Variants in LRP2 observed in about 807,000 individuals in gnomAD.
LRP2 encodes low-density lipoprotein receptor-related protein 2.
In LRP2, 172 loss-of-function variants were observed where a neutral mutation model predicts 531.0. That is an observed-to-expected ratio of 0.32 (90% CI 0.29 to 0.37). LRP2 has a LOEUF of 0.37. Among genes scored for constraint, LRP2 ranks in the 10% least tolerant of loss-of-function variants. The pLI is 1.00. For missense variants in LRP2, 5,167 were observed against 5,868.3 expected (o/e 0.88, Z 3.90); for synonymous variants, 1,992 against 2,027.6 (o/e 0.98, Z 0.47).
At chr2:169,299,338 C>G (rs1181292708) in intron 4 of LRP2, among the ~76,000 whole-genome samples, 1 of 151,958 alleles carries the variant, frequency 6.6e-6, no homozygotes, top group Non-Finnish European at 1.5e-5. Flanking sequence ...TTAGCTCACT[C>G]CCTTTGTACT....
chr2:169,162,833 C>G (rs563300591), intron 62 of LRP2, among the ~76,000 whole-genome samples: 1 of 152,332 alleles, frequency 6.6e-6, no homozygotes, highest in African/African-American at 2.4e-5. Flanking sequence ...CGTGCCTCCT[C>G]CGTGTCTCCT....
chr2:169,315,296 A>G (rs532543883), intron 3 of LRP2, among the ~76,000 whole-genome samples: 93 of 152,344 alleles, frequency 6.1e-4, no homozygotes, highest in Non-Finnish European at 1.1e-3. Flanking sequence ...ACTAAGGAGT[A>G]ATTAGAAAAC....
At chr2:169,240,341 G>A (rs2239593) in intron 25 of LRP2, among the ~76,000 whole-genome samples, 39,186 of 152,062 alleles carry the variant, frequency 0.26, 6,203 homozygotes, top group South Asian at 0.53. Context: ...ACATGCCTGG[G>A]GATGCAAATG....
chr2:169,200,597 G>A (rs1014753678), intron 44 of LRP2, among the ~76,000 whole-genome samples: 1 of 152,126 alleles, frequency 6.6e-6, no homozygotes, highest in Non-Finnish European at 1.5e-5. Flanking sequence ...AGATCAAAGA[G>A]TTCAATATAA....
intron 63 of LRP2, among the ~76,000 whole-genome samples, chr2:169,161,178 A>G (rs1686573155): frequency 6.6e-6 from 1 of 152,236 alleles, no homozygotes; most frequent in Non-Finnish European, 1.5e-5. Flanking sequence ...ACCTGGACTT[A>G]CATGACTGCT....
intron 3 of LRP2, among the ~76,000 whole-genome samples, chr2:169,313,801 G>C (rs991373229): frequency 6.6e-6 from 1 of 152,158 alleles, no homozygotes; most frequent in Non-Finnish European, 1.5e-5. Flanking sequence ...GACTGGAGCT[G>C]TTCCTATTCG....
intron 45 of LRP2, among the ~76,000 whole-genome samples, chr2:169,198,269 C>G (rs546570009): frequency 6.6e-6 from 1 of 151,988 alleles, no homozygotes; most frequent in East Asian, 1.9e-4. Context: ...CAAAAATTAG[C>G]TGGGCATGGT....
chr2:169,244,108 C>T (rs541103882), intron 22 of LRP2, among the ~76,000 whole-genome samples: 1 of 152,282 alleles, frequency 6.6e-6, no homozygotes, highest in African/African-American at 2.4e-5. Flanking sequence ...CTCATCTATT[C>T]CAAATGATAG....
At chr2:169,233,622 CA>C in intron 29 of LRP2, 34 bp from the exon 30 acceptor site, 5 of 1,601,824 alleles carry the variant, frequency 3.1e-6, no homozygotes, top group Non-Finnish European at 4.3e-6. Context: ...AGACCTCATC[CA>C]AAAATCAAAG....
Position 169,191,824 on chromosome 2 carries a change from C to T in LRP2, c.9032+8G>A. The T allele has an allele frequency of 6.2e-7, 1 of 1,613,596 alleles. No homozygotes were observed. The highest frequency in any genetic ancestry group is 8.5e-7 in the Non-Finnish European group (1 of 1,179,558). The stretch of plus-strand genomic sequence containing the variant: ...GCATGCTGGGTAACTTCTGAATCCT[C>T]AATTCACCTGAATATCTTTGGGATA... On this transcript the variant is annotated splice_region_variant and intron_variant, in intron 48 of 78. Transcript: ENST00000649046.
At chr2:169,186,108 T>C in intron 49 of LRP2, 89 bp from the exon 50 acceptor site, 2 of 1,139,268 alleles carry the variant, frequency 1.8e-6, no homozygotes, top group Admixed American at 1.8e-5. Context: ...TACTAAACAG[T>C]GCCAATTCTT....
chr2:169,261,440 G>GT (rs1371191548), intron 16 of LRP2, among the ~76,000 whole-genome samples: 1 of 150,722 alleles, frequency 6.6e-6, no homozygotes, highest in East Asian at 2.0e-4. Context: ...ATCCTCCCAA[G>GT]TATCTGGCAC....
At chr2:169,217,095 G>A (rs1688826180) in intron 34 of LRP2, among the ~76,000 whole-genome samples, 1 of 152,060 alleles carries the variant, frequency 6.6e-6, no homozygotes, top group African/African-American at 2.4e-5. Flanking sequence ...CCAAATCCAT[G>A]ATATATGAAA....
chr2:169,291,635 G>A (rs1269626975), intron 7 of LRP2, among the ~76,000 whole-genome samples: 2 of 152,132 alleles, frequency 1.3e-5, no homozygotes, highest in Admixed American at 6.5e-5. Context: ...ATAAAAGGGT[G>A]AATATCACTG....
rs374152259 is a variant in LRP2, at chr2:169,172,488, A to G, written c.11144-354T>C. Among the ~76,000 whole-genome samples the G allele has an allele frequency of 8.3e-4, 127 of 152,360 alleles. No individual in the cohort carries two copies. In the South Asian group the frequency reaches 0.011, roughly 13 times the overall value. ...CAATTGGACTCAGTGTTCTTAAAAG[A>G]ATTTAGTATCTTCCTTACTTCTCTT... On this transcript the variant is annotated intron_variant, in intron 57 of 78. Transcript: ENST00000649046.
intron 1 of LRP2, among the ~76,000 whole-genome samples, chr2:169,326,096 A>G (rs1685041554): frequency 1.3e-5 from 2 of 149,046 alleles, no homozygotes; most frequent in Non-Finnish European, 3.0e-5. Flanking sequence ...TCAGTGGAAG[A>G]AAAAAGAAAA....
chr2:169,345,891 A>G (rs918323777), intron 1 of LRP2, among the ~76,000 whole-genome samples: 10 of 152,204 alleles, frequency 6.6e-5, no homozygotes, highest in African/African-American at 2.4e-4. Flanking sequence ...AACAAAAGTC[A>G]ATTGTCTTTG....
Position 169,226,574 on chromosome 2 carries a change from A to C in LRP2, c.5242T>G (p.Leu1748Val). The C allele has an allele frequency of 6.2e-7, 1 of 1,611,332 alleles. No homozygotes were observed. Among genetic ancestry groups the C allele is most frequent in the Non-Finnish European group, 8.5e-7 (1 of 1,177,706 alleles). Residue 1748 changes from leucine (L) to valine (V), a missense_variant, in exon 32 of 79, where the codon TTA (leucine) becomes GTA (valine). By Grantham distance (32) the Leu-to-Val change is conservative (BLOSUM62 1). Transcript: ENST00000649046. The part of the protein sequence containing the change: ...LNCLRDDQPF[L>V]ITVRQHIIFG... Reference sequence around the variant, plus strand: ...ATTATATGTTGCCTTACAGTTATTAAGAAAGGTTGATCATCTGTGAAAATA... The same window carrying C: ...ATTATATGTTGCCTTACAGTTATTACGAAAGGTTGATCATCTGTGAAAATA...
chr2:169,281,443 G>A (rs948096568), intron 10 of LRP2, among the ~76,000 whole-genome samples: 5 of 145,134 alleles, frequency 3.4e-5, no homozygotes, highest in East Asian at 2.1e-4. Flanking sequence ...AAATAAGGCC[G>A]GATGCGGTGG....
Sources: gnomAD v4.1 joint callset for allele counts (sites outside exome capture counted in the v4.1 genomes callset) on GRCh38, gnomAD v4.1.1 for gene constraint, MANE v1.5 for transcripts, NCBI Gene and HGNC (gene_info 2026-07-23, HGNC 2026-07-21) for gene names.